PRLR: variants seen among roughly 807,000 people sequenced by gnomAD.
The protein encoded by PRLR is prolactin receptor.
In PRLR, 13 loss-of-function variants were observed where a neutral mutation model predicts 40.2. The ratio of observed to expected loss-of-function variants is 0.32; its 90% CI spans 0.21 to 0.51. PRLR has a LOEUF of 0.51. Among genes scored for constraint, PRLR ranks in the 20% least tolerant of loss-of-function variants. PRLR has a pLI of 0.97. For missense variants in PRLR, 656 were observed against 747.3 expected, an observed-to-expected ratio of 0.88 and a Z score of 1.42; for synonymous variants, 269 against 278.7, an observed-to-expected ratio of 0.97 and a Z score of 0.35.
chr5:35,077,102 C>T (rs553841733), intron 5 of PRLR, among the ~76,000 whole-genome samples: 3 of 152,196 alleles, frequency 2.0e-5, no homozygotes, highest in South Asian at 2.1e-4. Context: ...TGCCAAATTG[C>T]AAAGACCATC....
Position 35,147,755 on chromosome 5 carries a change from A to T in PRLR, c.-105-29633T>A, listed in dbSNP as rs547544021. Reference sequence around the variant, plus strand: ...AAGGCCTTGGTTTATACATGCACAAATATATTCTAGTGCTCAAGAAGCATA... The same window carrying T: ...AAGGCCTTGGTTTATACATGCACAATTATATTCTAGTGCTCAAGAAGCATA... On this transcript the variant is annotated intron_variant, in intron 1 of 9. Coordinates refer to ENST00000618457, the MANE Select transcript of PRLR (RefSeq NM_000949.7). Among the ~76,000 whole-genome samples the T allele has an allele frequency of 1.5e-4, 23 of 152,316 alleles. 1 individual carries two copies. Among genetic ancestry groups the T allele is most frequent in the African/African-American group, 5.1e-4 (21 of 41,572 alleles).
intron 1 of PRLR, chr5:35,130,362 G>C (rs1454343483): frequency 6.6e-6 from 1 of 152,162 alleles, no homozygotes; most frequent in Non-Finnish European, 1.5e-5. Flanking sequence ...GAGGGGTGGG[G>C]CAACCATAGC....
At chr5:35,209,077 T>C (rs1180637690) in intron 1 of PRLR, among the ~76,000 whole-genome samples, 1 of 152,110 alleles carries the variant, frequency 6.6e-6, no homozygotes. Flanking sequence ...TTGAAAAATA[T>C]GTATACAATC....
chr5:35,124,792 A>G (rs1579701479), intron 1 of PRLR, among the ~76,000 whole-genome samples: 1 of 152,308 alleles, frequency 6.6e-6, no homozygotes, highest in East Asian at 1.9e-4. Context: ...CCACCAGTCA[A>G]TAGATTAACA....
intron 1 of PRLR, among the ~76,000 whole-genome samples, chr5:35,151,556 G>A (rs190170512): frequency 1.6e-4 from 24 of 152,140 alleles, no homozygotes; most frequent in African/African-American, 5.8e-4. Flanking sequence ...CAAAAGTGAT[G>A]CTGCATGACC....
intron 2 of PRLR, among the ~76,000 whole-genome samples, chr5:35,104,874 G>T (rs971487707): frequency 6.6e-6 from 1 of 152,184 alleles, no homozygotes; most frequent in African/African-American, 2.4e-5. Flanking sequence ...GAAAGTAGTG[G>T]TTCTCCCACC....
rs1769161403 is a variant in PRLR at position 35,063,425 on chromosome 5, TAG to T, written c.*1662_*1663del. 1 of 151,928 alleles carries T rather than the reference TAG, an allele frequency of 6.6e-6. No homozygotes were observed. The highest frequency in any genetic ancestry group is 1.5e-5 in the Non-Finnish European group (1 of 67,998). The allele number at this position is 151,928 out of a possible 1,614,324, so 9.4% of individuals were successfully genotyped here. A position where few individuals can be genotyped will look rare whatever the true frequency, so the allele number is the denominator to read the frequency against. ...ATTTACCATCAAGTGAAGGGAAAAA[TAG>T]AGAGGGGCTGCTAGATGAGTCATGG... On this transcript the variant is annotated 3_prime_UTR_variant, in exon 10 of 10. Coordinates refer to ENST00000618457, the MANE Select transcript of PRLR (RefSeq NM_000949.7).
In PRLR at chr5:35,086,228, T is replaced by G; in HGVS notation, c.183A>C (p.Ser61=). The part of the protein sequence containing the change: ...GTDGGLPTNY[S]LTYHREGETL... The stretch of plus-strand genomic sequence containing the variant: ...CTTACCCTTCCCTGTGGTAAGTCAG[T>G]GAATAATTGGTAGGAAGTCCTCCAT... Residue 61 remains serine (S), a synonymous_variant, in exon 4 of 10, where the codon TCA becomes TCC. Transcript: ENST00000618457. The G allele has an allele frequency of 6.2e-7, 1 of 1,613,876 alleles. No homozygotes were observed. Among genetic ancestry groups the G allele is most frequent in the South Asian group, 1.1e-5 (1 of 91,068 alleles).
At position 35,072,722 on chromosome 5, in the gene PRLR, C is replaced by G; in HGVS notation, c.396G>C (p.Glu132Asp). Residue 132 changes from glutamate to aspartate, a missense_variant, in exon 6 of 10, where the codon GAG (glutamate) becomes GAC (aspartate). Glu to Asp is a conservative substitution (Grantham distance 45). Coordinates refer to ENST00000618457, the MANE Select transcript of PRLR (RefSeq NM_000949.7). The stretch of plus-strand genomic sequence containing the variant: ...CTGGCTGTTTTACTTCCACAGCCAG[C>G]TCCAAAGGAGGGTCTGGCTGAACTG... Reference protein sequence around the residue: ...TYIVQPDPPLELAVEVKQPED... With the variant: ...TYIVQPDPPLDLAVEVKQPED... 1 of 1,614,136 alleles carries G rather than the reference C, an allele frequency of 6.2e-7. No individual in the cohort carries two copies. The highest frequency in any genetic ancestry group is 8.5e-7 in the Non-Finnish European group (1 of 1,180,004).
downstream of PRLR, among the ~76,000 whole-genome samples, chr5:35,052,235 C>T (rs1768519379): frequency 6.6e-6 from 1 of 152,040 alleles, no homozygotes; most frequent in Non-Finnish European, 1.5e-5. Context: ...AAAAATACTT[C>T]ATGTATAAGT....
chr5:35,150,873 T>G (rs1774324019), intron 1 of PRLR, among the ~76,000 whole-genome samples: 1 of 152,174 alleles, frequency 6.6e-6, no homozygotes, highest in South Asian at 2.1e-4. Flanking sequence ...TTTTCTAGAG[T>G]GAATTATATG....
chr5:35,230,297 A>G lies in PRLR; in HGVS notation c.-135T>C, dbSNP rs534678018. On this transcript the variant is annotated 5_prime_UTR_variant, in exon 1 of 10. It removes the in-frame stop codon of an upstream open reading frame in the 5' UTR. Coordinates refer to ENST00000618457, the MANE Select transcript of PRLR (RefSeq NM_000949.7). ...GCCAGGGAGCAAAGTCTGCCACATC[A>G]GTCGATGAGTACTTCCTGCACGAGG... is the stretch of plus-strand genomic sequence containing the variant. 2 of 152,372 alleles carry G rather than the reference A, an allele frequency of 1.3e-5. No individual in the cohort carries two copies. The highest frequency in any genetic ancestry group is 2.1e-4 in the South Asian group (1 of 4,832). The allele number at this position is 152,372 out of a possible 1,614,324, so 9.4% of individuals were successfully genotyped here. A position where few individuals can be genotyped will look rare whatever the true frequency, so the allele number is the denominator to read the frequency against.
intron 1 of PRLR, among the ~76,000 whole-genome samples, chr5:35,125,238 C>T (rs1773420233): frequency 6.6e-6 from 1 of 152,142 alleles, no homozygotes; most frequent in Non-Finnish European, 1.5e-5. Flanking sequence ...GAATGTGAGT[C>T]TGTAGAAATT....
At chr5:35,219,776 G>A (rs1197146566) in intron 1 of PRLR, among the ~76,000 whole-genome samples, 1 of 152,208 alleles carries the variant, frequency 6.6e-6, no homozygotes, top group African/African-American at 2.4e-5. Context: ...TCCCCAGGCA[G>A]GGATTTGTTT....
chr5:35,229,142 ATAAT>A (rs1029659954), intron 1 of PRLR, among the ~76,000 whole-genome samples: 5 of 148,278 alleles, frequency 3.4e-5, no homozygotes, highest in Admixed American at 6.7e-5. Flanking sequence ...ATATATATAT[ATAAT>A]TAATTAATTC....
intron 1 of PRLR, among the ~76,000 whole-genome samples, chr5:35,159,419 C>A (rs146686459): frequency 2.0e-5 from 3 of 151,944 alleles, no homozygotes; most frequent in African/African-American, 4.8e-5. Flanking sequence ...AAACTACAGA[C>A]CTGCATCTGC....
At chr5:35,192,885 C>T (rs186352686) in intron 1 of PRLR, among the ~76,000 whole-genome samples, 2 of 152,290 alleles carry the variant, frequency 1.3e-5, no homozygotes, top group East Asian at 3.9e-4. Flanking sequence ...GCAGAAGCAG[C>T]CAGATGCTGC....
intron 1 of PRLR, among the ~76,000 whole-genome samples, chr5:35,183,844 A>G (rs1420771335): frequency 6.6e-6 from 1 of 152,258 alleles, no homozygotes; most frequent in Non-Finnish European, 1.5e-5. Context: ...GAAAACCACA[A>G]CAAGTATGGT....
intron 1 of PRLR, among the ~76,000 whole-genome samples, chr5:35,226,963 G>C (rs1186747648): frequency 6.6e-6 from 1 of 152,226 alleles, no homozygotes; most frequent in Non-Finnish European, 1.5e-5. Context: ...TCAGCACAGG[G>C]AGGTAAAGGT....
Sources: gnomAD v4.1 joint callset for allele counts (sites outside exome capture counted in the v4.1 genomes callset) on GRCh38, gnomAD v4.1.1 for gene constraint, MANE v1.5 for transcripts, NCBI Gene and HGNC (gene_info 2026-07-23, HGNC 2026-07-21) for gene names.